The following SLC24A2 variants were observed in gnomAD, a reference collection of about 807,000 sequenced individuals.
SLC24A2 encodes the protein solute carrier family 24 member 2.
SLC24A2 carries 36 observed loss-of-function variants against 62.0 expected under a neutral mutation model. The observed-to-expected ratio is 0.58, with a 90% confidence interval of 0.44 to 0.77. The LOEUF is 0.77. SLC24A2 is among the 30% of genes least tolerant of loss of function. The pLI, the probability that SLC24A2 is intolerant of heterozygous loss-of-function variation, is 0.00. For synonymous variants in SLC24A2, 358 were observed against 294.0 expected (o/e 1.22, Z -2.23); for missense variants, 846 against 817.9 (o/e 1.03, Z -0.42).
chr9:19,821,393 C>A, the SLC24A2 span, among the ~76,000 whole-genome samples: 4 of 151,960 alleles, frequency 2.6e-5, no homozygotes, highest in Admixed American at 6.6e-5. Flanking sequence ...AGATTGTAAA[C>A]GGATTTATTT....
intron 2 of SLC24A2, among the ~76,000 whole-genome samples, chr9:19,726,960 T>C (rs1473158529): frequency 6.6e-6 from 1 of 152,220 alleles, no homozygotes; most frequent in African/African-American, 2.4e-5. Context: ...GTAGTACATG[T>C]TAGATCATCA....
chr9:20,026,625 C>T, the SLC24A2 span, among the ~76,000 whole-genome samples: 10 of 151,670 alleles, frequency 6.6e-5, no homozygotes, highest in Non-Finnish European at 1.2e-4. Flanking sequence ...GTCCACATGC[C>T]GAATAATGAA....
chr9:20,038,598 AT>A, the SLC24A2 span, among the ~76,000 whole-genome samples: 10,176 of 134,242 alleles, frequency 0.076, 766 homozygotes, highest in Admixed American at 0.26. Flanking sequence ...TTTCTACGAT[AT>A]TTTTTTTCAG....
intron 8 of SLC24A2, among the ~76,000 whole-genome samples, chr9:19,530,332 C>G (rs1833643052): frequency 6.6e-6 from 1 of 152,072 alleles, no homozygotes. Context: ...GAGCCCCAAC[C>G]AATGGTTGAT....
chr9:19,850,967 GTATATATATATATATATGTA>G, the SLC24A2 span, among the ~76,000 whole-genome samples: 2 of 18,190 alleles, frequency 1.1e-4, no homozygotes, highest in South Asian at 1.1e-3. Flanking sequence ...ATATATATAT[GTATATATATATATATATGTA>G]TATATATATA....
chr9:20,125,085 G>T, the SLC24A2 span, among the ~76,000 whole-genome samples: 1 of 152,124 alleles, frequency 6.6e-6, no homozygotes, highest in Non-Finnish European at 1.5e-5. Flanking sequence ...AGGCTTTAAT[G>T]AATAACAAGT....
chr9:19,895,541 T>TCTTG, the SLC24A2 span, among the ~76,000 whole-genome samples: 71 of 104,904 alleles, frequency 6.8e-4, 2 homozygotes, highest in South Asian at 0.021. Flanking sequence ...TTTCTTTCTT[T>TCTTG]CTTTCTTTTT....
chr9:19,703,071 G>C (rs998519937), intron 2 of SLC24A2, among the ~76,000 whole-genome samples: 1 of 152,144 alleles, frequency 6.6e-6, no homozygotes. Flanking sequence ...ATTCTTTTGT[G>C]TTTGTGTGTG....
rs547550435 is a variant in SLC24A2, at chr9:19,710,849, C to T, written c.930+75088G>A. ...CAGCTAGGAGGGTGCTGCAGGAACA[C>T]AGGGACAAATGATCCTACCCTCAAG... On this transcript the variant is annotated intron_variant, in intron 2 of 10. Coordinates refer to ENST00000341998, the MANE Select transcript of SLC24A2 (RefSeq NM_020344.4). 6.6e-5 allele frequency among the ~76,000 whole-genome samples: 10 copies of T among 152,274 alleles called. No individual in the cohort carries two copies. In the South Asian group the frequency reaches 1.9e-3, roughly 28 times the overall value.
the SLC24A2 span, among the ~76,000 whole-genome samples, chr9:20,106,854 T>C: frequency 6.6e-6 from 1 of 152,052 alleles, no homozygotes; most frequent in South Asian, 2.1e-4. Context: ...GCCAGGGCAA[T>C]TAGGCAGGAG....
the SLC24A2 span, among the ~76,000 whole-genome samples, chr9:19,973,147 G>A: frequency 6.6e-6 from 1 of 152,158 alleles, no homozygotes; most frequent in African/African-American, 2.4e-5. Flanking sequence ...AGGCCAGCCT[G>A]GGCAACACAA....
chr9:19,738,724 C>G lies in SLC24A2; in HGVS notation c.930+47213G>C, dbSNP rs376871837. Among the ~76,000 whole-genome samples, 35 of 152,192 alleles carry G rather than the reference C, an allele frequency of 2.3e-4. 1 individual carries two copies. Among genetic ancestry groups the G allele is most frequent in the African/African-American group, 7.9e-4 (33 of 41,550 alleles). On this transcript the variant is annotated intron_variant, in intron 2 of 10. Transcript: ENST00000341998. ...CAATTAGGTTGTTTCCAACTCTTGG[C>G]TATTACAAACAAATTCTCAGTAAAT...
intron 4 of SLC24A2, among the ~76,000 whole-genome samples, chr9:19,606,016 G>A (rs1006151517): frequency 6.6e-6 from 1 of 152,202 alleles, no homozygotes; most frequent in African/African-American, 2.4e-5. Context: ...GCAGGGTAGA[G>A]AGGGTTTTTC....
intron 6 of SLC24A2, among the ~76,000 whole-genome samples, chr9:19,574,440 T>C (rs1835946768): frequency 6.6e-6 from 1 of 152,188 alleles, no homozygotes; most frequent in Non-Finnish European, 1.5e-5. Context: ...ATCTACAACT[T>C]GTGCTGTTTC....
the SLC24A2 span, among the ~76,000 whole-genome samples, chr9:20,241,347 T>C: frequency 6.6e-6 from 1 of 152,312 alleles, no homozygotes; most frequent in East Asian, 1.9e-4. Flanking sequence ...ATTCAGCAGG[T>C]ATTTGTTGAG....
chr9:19,535,604 T>A (rs554597550), intron 8 of SLC24A2, among the ~76,000 whole-genome samples: 1 of 152,224 alleles, frequency 6.6e-6, no homozygotes. Flanking sequence ...ATTGATTACA[T>A]AGGGAATCCT....
rs968429577 is a variant in SLC24A2, at chr9:19,513,049, C to G, written c.*3104G>C. ...TGTGCATGACTTTCCTTTTCCTTGA[C>G]TTTGGCAAACTTGATGCTCCCTGCT... On this transcript the variant is annotated 3_prime_UTR_variant, in exon 11 of 11. Transcript: ENST00000341998. 2.6e-5 allele frequency: 4 copies of G among 151,134 alleles called. No homozygotes were observed. The highest frequency in any genetic ancestry group is 2.1e-4 in the South Asian group (1 of 4,770). 9.4% of individuals were successfully genotyped at this position (151,134 alleles called of 1,614,324 possible).
intron 6 of SLC24A2, among the ~76,000 whole-genome samples, chr9:19,576,564 G>A (rs1466343109): frequency 6.6e-6 from 1 of 152,202 alleles, no homozygotes; most frequent in Non-Finnish European, 1.5e-5. Flanking sequence ...AACATTAAAT[G>A]ACACTGTGTA....
intron 2 of SLC24A2, among the ~76,000 whole-genome samples, chr9:19,698,757 C>A (rs1381768085): frequency 6.6e-6 from 1 of 152,172 alleles, no homozygotes; most frequent in Non-Finnish European, 1.5e-5. Flanking sequence ...ACAGAGTTCA[C>A]TCTCTGTATT....
Sources: allele counts gnomAD v4.1 joint callset (sites outside exome capture counted in the v4.1 genomes callset), GRCh38; gene constraint gnomAD v4.1.1; transcripts MANE v1.5; gene names NCBI Gene and HGNC (gene_info 2026-07-23, HGNC 2026-07-21).